KIF1B: variants seen among roughly 807,000 people sequenced by gnomAD.
The protein encoded by KIF1B is kinesin family member 1B.
KIF1B carries 76 observed loss-of-function variants against 241.9 expected under a neutral mutation model. The observed-to-expected ratio is 0.31, with a 90% CI of 0.26 to 0.38. The LOEUF is 0.38. Ranked by LOEUF, KIF1B falls within the 10% of genes least tolerant of loss-of-function variation. The probability of loss-of-function intolerance (pLI) is 1.00; values close to 1 mark genes in which losing one functional copy is unlikely to be tolerated. For synonymous variants in KIF1B, 750 were observed against 796.7 expected, an observed-to-expected ratio of 0.94 and a Z score of 0.99; for missense variants, 1,622 against 2,271.4, an observed-to-expected ratio of 0.71 and a Z score of 5.81.
At chr1:10,250,758 G>A (rs1647391027) in intron 2 of KIF1B, among the ~76,000 whole-genome samples, 1 of 152,180 alleles carries the variant, frequency 6.6e-6, no homozygotes, top group Non-Finnish European at 1.5e-5. Context: ...CCCAGGAGTT[G>A]CAGGCTGCAG....
At chr1:10,304,112 C>T (rs775098841) in intron 22 of KIF1B, 1 of 1,613,990 alleles carries the variant, frequency 6.2e-7, no homozygotes, top group Non-Finnish European at 8.5e-7. Flanking sequence ...AGTCCTGGGA[C>T]ACATATCATC....
Position 10,323,888 on chromosome 1 carries a change from A to G in KIF1B, c.2363A>G (p.Gln788Arg), listed in dbSNP as rs1226269110. 6.2e-7 allele frequency: 1 copy of G among 1,613,448 alleles called. No homozygotes were observed. Among genetic ancestry groups the G allele is most frequent in the Admixed American group, 1.7e-5 (1 of 60,016 alleles). ...TGGTTTATTCTTTCTATTCAGGTGC[A>G]GTTTCAGTTTGTTCTGCTGACTGAC... ...AISVELKKKV[Q>R]FQFVLLTDTL... The change falls in exon 25 of 49, where the codon CAG becomes CGG. Residue 788 changes from glutamine to arginine, a missense_variant. This residue lies in a region of KIF1B where 803 missense variants were observed against 1,112.0 expected (regional missense o/e 0.72). Transcript: ENST00000676179.
In KIF1B at chr1:10,247,056, G is replaced by T. The variant is rs542926417; in HGVS notation, c.107-9191G>T. 5.1e-4 allele frequency among the ~76,000 whole-genome samples: 77 copies of T among 152,212 alleles called. 1 individual carries two copies. Among genetic ancestry groups the T allele is most frequent in the Non-Finnish European group, 9.0e-4 (61 of 68,014 alleles). On this transcript the variant is annotated intron_variant, in intron 2 of 48. Coordinates refer to ENST00000676179, the MANE Select transcript of KIF1B (RefSeq NM_001365951.3). ...ATTTTTGTATTTTTAGTAGAGACAG[G>T]GTTTTGCCATGTTGGCCAGGCTGGT... is the stretch of plus-strand genomic sequence containing the variant.
rs190124441 is a variant in KIF1B at position 10,371,241 on chromosome 1, G to A, written c.4925G>A (p.Arg1642Lys). 131 of 1,614,104 alleles carry A rather than the reference G, an allele frequency of 8.1e-5. 2 individuals are homozygous for A. The Admixed American group carries it at 2.1e-3, about 26-fold the overall frequency. Reference protein sequence around the residue: ...SSTCPSLVDSRSNSLDQKTPE... With the variant: ...SSTCPSLVDSKSNSLDQKTPE... The stretch of plus-strand genomic sequence containing the variant: ...ACCTGTCCCTCTCTGGTAGACTCTA[G>A]GAGCAACTCTCTGGATCAGAAGTAA... Residue 1642 changes from arginine to lysine, a missense_variant, in exon 45 of 49, where the codon AGG becomes AAG. Coordinates refer to ENST00000676179, the MANE Select transcript of KIF1B (RefSeq NM_001365951.3).
At chr1:10,276,031 G>A (rs919867962) in intron 11 of KIF1B, among the ~76,000 whole-genome samples, 3 of 151,342 alleles carry the variant, frequency 2.0e-5, no homozygotes, top group Admixed American at 6.6e-5. Context: ...TCAGCCTCCC[G>A]AGTAGCTGGG....
intron 2 of KIF1B, among the ~76,000 whole-genome samples, chr1:10,235,596 C>T (rs968220550): frequency 1.1e-4 from 16 of 152,214 alleles, no homozygotes; most frequent in Non-Finnish European, 2.1e-4. Flanking sequence ...TGCAGTGGCT[C>T]ATGCCTGTAA....
chr1:10,253,972 G>A (rs529172586), intron 2 of KIF1B, among the ~76,000 whole-genome samples: 1 of 152,224 alleles, frequency 6.6e-6, no homozygotes, highest in Non-Finnish European at 1.5e-5. Flanking sequence ...ACAGCTGTGC[G>A]AGACAGATTT....
In KIF1B at chr1:10,219,641, C is replaced by T. The variant is rs1439063132; in HGVS notation, c.-80+8763C>T. 4.0e-5 allele frequency among the ~76,000 whole-genome samples: 6 copies of T among 151,898 alleles called. No individual in the cohort carries two copies. The East Asian group carries it at 1.2e-3, about 29-fold the overall frequency. On this transcript the variant is annotated intron_variant, in intron 1 of 48. Transcript: ENST00000676179. ...AGTGTGGTGGTGCATGCCTGTAATC[C>T]CAGCTACTCGGGAGGCTGAGGCAGG...
chr1:10,312,594 C>T (rs1304502225), intron 22 of KIF1B, among the ~76,000 whole-genome samples: 1 of 151,542 alleles, frequency 6.6e-6, no homozygotes, highest in Non-Finnish European at 1.5e-5. Context: ...GCCATTCCAT[C>T]CACACAAGTT....
Position 10,379,975 on chromosome 1 carries a change from A to G in KIF1B, c.*3388A>G, listed in dbSNP as rs889148653. The G allele has an allele frequency of 4.4e-6, 1 of 229,638 alleles. No homozygotes were observed. The allele number at this position is 229,638 out of a possible 1,614,324, so 14.2% of individuals were successfully genotyped here. A position where few individuals can be genotyped will look rare whatever the true frequency, so the allele number is the denominator to read the frequency against. Reference sequence around the variant, plus strand: ...AAGGGGCAATGGAGTGAGTTTCCCAACTAAGAAACCACTATTATATATTTT... The same window carrying G: ...AAGGGGCAATGGAGTGAGTTTCCCAGCTAAGAAACCACTATTATATATTTT... On this transcript the variant is annotated 3_prime_UTR_variant, in exon 49 of 49. Coordinates refer to ENST00000676179, the MANE Select transcript of KIF1B (RefSeq NM_001365951.3).
rs993396276 is a variant in KIF1B at position 10,210,690 on chromosome 1, G to GCCGCCCA, written c.-258_-252dup. The GCCGCCCA allele has an allele frequency of 4.0e-5, 6 of 151,656 alleles. No individual in the cohort carries two copies. Among genetic ancestry groups the GCCGCCCA allele is most frequent in the South Asian group, 2.1e-4 (1 of 4,836 alleles). The allele number at this position is 151,656 out of a possible 1,614,324, so 9.4% of individuals were successfully genotyped here. A position where few individuals can be genotyped will look rare whatever the true frequency, so the allele number is the denominator to read the frequency against. On this transcript the variant is annotated 5_prime_UTR_variant, in exon 1 of 49. Transcript: ENST00000676179. The surrounding 1 kb of genome is among the most constrained non-coding windows in gnomAD (Gnocchi z 4.1). ...CTCCCGCACTCGCGCACTCCTGTCC[G>GCCGCCCA]CCGCCCACCGCCCACCTCCCACCTC...
chr1:10,376,440 C>A (rs887291519), intron 48 of KIF1B, 105 bp from the exon 49 acceptor site: 3 of 1,163,246 alleles, frequency 2.6e-6, no homozygotes, highest in Non-Finnish European at 3.9e-6. Context: ...CCTGCGGTGC[C>A]AAATAGGAAG....
chr1:10,254,105 T>C (rs1177360778), intron 2 of KIF1B, among the ~76,000 whole-genome samples: 1 of 152,216 alleles, frequency 6.6e-6, no homozygotes, highest in Non-Finnish European at 1.5e-5. Flanking sequence ...AAAGATTCTG[T>C]TTCATTTCAA....
chr1:10,347,358 A>T (rs1376229186), intron 35 of KIF1B, among the ~76,000 whole-genome samples: 1 of 152,212 alleles, frequency 6.6e-6, no homozygotes, highest in African/African-American at 2.4e-5. Context: ...AGACAGACTT[A>T]TGATGTGATT....
chr1:10,236,354 C>T (rs1647052521), intron 2 of KIF1B, among the ~76,000 whole-genome samples: 1 of 152,134 alleles, frequency 6.6e-6, no homozygotes, highest in Admixed American at 6.6e-5. Flanking sequence ...TAGCTTATTA[C>T]AGCTTATTAG....
chr1:10,250,994 C>G (rs1647407797), intron 2 of KIF1B, among the ~76,000 whole-genome samples: 1 of 152,104 alleles, frequency 6.6e-6, no homozygotes, highest in South Asian at 2.1e-4. Context: ...TGGTGAAACC[C>G]TGTCTCTAGT....
rs1219085002 is a variant in KIF1B, at chr1:10,326,670, G to A, written c.2924+311G>A. On this transcript the variant is annotated intron_variant, in intron 27 of 48. Coordinates refer to ENST00000676179, the MANE Select transcript of KIF1B (RefSeq NM_001365951.3). The surrounding 1 kb of genome is among the most constrained non-coding windows in gnomAD (Gnocchi z 5.2). Reference sequence around the variant, plus strand: ...AGGGAACCCCAAAGGAGAAAGTAAAGCTAAGAGTCAAACGTAGTGGGTTCA... The same window carrying A: ...AGGGAACCCCAAAGGAGAAAGTAAAACTAAGAGTCAAACGTAGTGGGTTCA... 1.3e-5 allele frequency among the ~76,000 whole-genome samples: 2 copies of A among 152,148 alleles called. No homozygotes were observed. The highest frequency in any genetic ancestry group is 3.8e-4 in the East Asian group (2 of 5,202).
At position 10,303,652 on chromosome 1, in the gene KIF1B, A is replaced by G. The variant is rs779846487; in HGVS notation, c.2115+6406A>G. On this transcript the variant is annotated intron_variant, in intron 22 of 48. Transcript: ENST00000676179. This position sits in a 1 kb window ranked among gnomAD's most constrained non-coding sequence, Gnocchi z 5.2. ...TGATGTAGATGACCTCAAGGTTCAT[A>G]TAGACAAGCTGGAAGATATTTTGCA... 3.7e-6 allele frequency: 6 copies of G among 1,614,244 alleles called. No individual in the cohort carries two copies. The highest frequency in any genetic ancestry group is 5.1e-6 in the Non-Finnish European group (6 of 1,180,042).
intron 22 of KIF1B, chr1:10,304,640 CA>C (rs1557702206): frequency 6.2e-7 from 1 of 1,613,752 alleles, no homozygotes; most frequent in South Asian, 1.1e-5. Context: ...CGAGAAACCA[CA>C]GTATAAATCA....
Sources: allele counts gnomAD v4.1 joint callset (sites outside exome capture counted in the v4.1 genomes callset), GRCh38; gene constraint gnomAD v4.1.1; regional missense constraint gnomAD v4.1.1; non-coding constraint Gnocchi (gnomAD v3.1); transcripts MANE v1.5; gene names NCBI Gene and HGNC (gene_info 2026-07-23, HGNC 2026-07-21).